ASIC2: variants seen among roughly 807,000 people sequenced by gnomAD.
ASIC2 encodes the protein acid-sensing ion channel 2.
In ASIC2, 25 loss-of-function variants were observed where a neutral mutation model predicts 57.3. The ratio of observed to expected loss-of-function variants is 0.44; its 90% CI spans 0.32 to 0.61. ASIC2 has a LOEUF of 0.61. Ranked by LOEUF, ASIC2 falls within the 20% of genes least tolerant of loss-of-function variation. The pLI, the probability that ASIC2 is intolerant of heterozygous loss-of-function variation, is 0.06. For missense variants in ASIC2, 641 were observed against 738.1 expected (o/e 0.87, Z 1.52); for synonymous variants, 319 against 307.5 (o/e 1.04, Z -0.39).
chr17:33,151,849 G>T (rs1299195241), intron 1 of ASIC2, among the ~76,000 whole-genome samples: 1 of 152,186 alleles, frequency 6.6e-6, no homozygotes, highest in East Asian at 1.9e-4. Flanking sequence ...TAATTACCAG[G>T]TATTCTGTTA....
intron 1 of ASIC2, among the ~76,000 whole-genome samples, chr17:33,765,249 GCGCCCGCTACCA>G (rs149309662): frequency 0.047 from 7,221 of 152,152 alleles, 534 homozygotes; most frequent in African/African-American, 0.16. Flanking sequence ...GGGACTACAG[GCGCCCGCTACCA>G]CGCCCAGCTA....
chr17:33,476,956 C>CAGTA (rs1247444840), intron 1 of ASIC2, among the ~76,000 whole-genome samples: 4 of 152,086 alleles, frequency 2.6e-5, no homozygotes, highest in Admixed American at 2.6e-4. Flanking sequence ...AGACCAAAAA[C>CAGTA]AGTAGTCCAA....
intron 1 of ASIC2, among the ~76,000 whole-genome samples, chr17:33,549,790 C>T (rs560796492): frequency 2.0e-5 from 3 of 152,324 alleles, no homozygotes; most frequent in African/African-American, 7.2e-5. Flanking sequence ...TGGTCATCCT[C>T]CTCCCTAATG....
intron 1 of ASIC2, among the ~76,000 whole-genome samples, chr17:33,384,957 G>A (rs578075478): frequency 6.6e-6 from 1 of 152,332 alleles, no homozygotes; most frequent in African/African-American, 2.4e-5. Flanking sequence ...AGGATTAGGA[G>A]TGAATGCTCT....
At chr17:33,215,075 G>A (rs1332560194) in intron 1 of ASIC2, among the ~76,000 whole-genome samples, 1 of 152,156 alleles carries the variant, frequency 6.6e-6, no homozygotes, top group African/African-American at 2.4e-5. Context: ...ACACCAAGAA[G>A]TAAACATATG....
At position 33,767,016 on chromosome 17, in the gene ASIC2, G is replaced by A. The variant is rs1910954159; in HGVS notation, c.555+388962C>T. Reference sequence around the variant, plus strand: ...ATCATTAAATAAAAGAAACCACACTGCTATTTGCCCTGGACCAGGCTGCAC... The same window carrying A: ...ATCATTAAATAAAAGAAACCACACTACTATTTGCCCTGGACCAGGCTGCAC... On this transcript the variant is annotated intron_variant, in intron 1 of 9. Transcript: ENST00000359872. 3.3e-5 allele frequency among the ~76,000 whole-genome samples: 5 copies of A among 152,220 alleles called. No homozygotes were observed. In the South Asian group the frequency reaches 8.3e-4, roughly 25 times the overall value.
chr17:33,111,997 A>C lies in ASIC2; in HGVS notation c.779T>G (p.Val260Gly). The C allele has an allele frequency of 6.2e-7, 1 of 1,613,884 alleles. No homozygotes were observed. The highest frequency in any genetic ancestry group is 1.1e-5 in the South Asian group (1 of 91,046). The part of the protein sequence containing the change: ...GEDGKPLLTT[V>G]KGGTGNGLEI... Reference sequence around the variant, plus strand: ...CAGCCCGTTGCCTGTCCCCCCCTTGACCGTGGTGAGCAGAGGTTTGCCATC... The same window carrying C: ...CAGCCCGTTGCCTGTCCCCCCCTTGCCCGTGGTGAGCAGAGGTTTGCCATC... Residue 260 changes from valine to glycine, a missense_variant, in exon 2 of 10, where the codon GTC (valine) becomes GGC (glycine). Transcript: ENST00000225823.
At chr17:33,962,188 C>T (rs1482860564) in intron 1 of ASIC2, among the ~76,000 whole-genome samples, 1 of 152,104 alleles carries the variant, frequency 6.6e-6, no homozygotes, top group Non-Finnish European at 1.5e-5. Flanking sequence ...AAGGGCCCCA[C>T]AGTCAAATGA....
intron 1 of ASIC2, among the ~76,000 whole-genome samples, chr17:33,860,004 A>G (rs1197321200): frequency 6.6e-6 from 1 of 152,112 alleles, no homozygotes. Context: ...TATGCCATAT[A>G]TTTCTCACAT....
chr17:33,836,050 A>G (rs1320345958), intron 1 of ASIC2, among the ~76,000 whole-genome samples: 1 of 146,374 alleles, frequency 6.8e-6, no homozygotes, highest in African/African-American at 2.4e-5. Context: ...ATAATTATGT[A>G]TATCATATAT....
intron 1 of ASIC2, among the ~76,000 whole-genome samples, chr17:33,616,900 T>C (rs1237652346): frequency 2.6e-5 from 4 of 152,248 alleles, no homozygotes; most frequent in Non-Finnish European, 5.9e-5. Context: ...CATTGAAATA[T>C]GTACTAGCTT....
At chr17:33,122,568 A>G (rs765486410) in intron 1 of ASIC2, among the ~76,000 whole-genome samples, 7 of 152,178 alleles carry the variant, frequency 4.6e-5, no homozygotes, top group Non-Finnish European at 8.8e-5. Flanking sequence ...GTATAACATG[A>G]TGTTTCAATA....
intron 1 of ASIC2, among the ~76,000 whole-genome samples, chr17:34,103,285 A>G (rs1272055764): frequency 1.3e-5 from 2 of 152,068 alleles, no homozygotes; most frequent in Admixed American, 1.3e-4. Context: ...AGCTGGGACC[A>G]CAGGCATGTG....
chr17:33,730,944 T>G (rs1390811890), intron 1 of ASIC2, among the ~76,000 whole-genome samples: 1 of 152,158 alleles, frequency 6.6e-6, no homozygotes, highest in African/African-American at 2.4e-5. Flanking sequence ...GTGGTGGCAA[T>G]GAGGGCAGGT....
At chr17:33,334,975 C>T (rs774395131) in intron 1 of ASIC2, among the ~76,000 whole-genome samples, 3 of 152,190 alleles carry the variant, frequency 2.0e-5, no homozygotes. Flanking sequence ...ATTGACTCAT[C>T]GCTTTGAAAA....
chr17:33,101,517 A>G (rs2092212043), intron 2 of ASIC2, among the ~76,000 whole-genome samples: 1 of 152,106 alleles, frequency 6.6e-6, no homozygotes, highest in African/African-American at 2.4e-5. Context: ...TCATATTTCC[A>G]TGAATGTCAA....
At chr17:33,748,045 T>A (rs961933651) in intron 1 of ASIC2, among the ~76,000 whole-genome samples, 4 of 152,230 alleles carry the variant, frequency 2.6e-5, no homozygotes, top group Non-Finnish European at 5.9e-5. Context: ...AGTCAAGGCT[T>A]GCGAAGGTTA....
chr17:33,627,851 T>G (rs1906035862), intron 1 of ASIC2, among the ~76,000 whole-genome samples: 1 of 152,120 alleles, frequency 6.6e-6, no homozygotes, highest in Admixed American at 6.5e-5. Flanking sequence ...CAGTATCCAG[T>G]GAGTTCTCAG....
chr17:33,184,603 C>A (rs1031502869), intron 1 of ASIC2, among the ~76,000 whole-genome samples: 4 of 152,148 alleles, frequency 2.6e-5, no homozygotes, highest in Non-Finnish European at 5.9e-5. Context: ...CCTGCTTTGA[C>A]CTGGTTTCAT....
Sources: allele counts gnomAD v4.1 joint callset (sites outside exome capture counted in the v4.1 genomes callset), GRCh38; gene constraint gnomAD v4.1.1; transcripts MANE v1.5; gene names NCBI Gene and HGNC (gene_info 2026-07-23, HGNC 2026-07-21).